SNAP23: variants seen among roughly 807,000 people sequenced by gnomAD.
SNAP23 encodes the protein synaptosome associated protein 23.
In SNAP23, 11 loss-of-function variants were observed where a neutral mutation model predicts 29.0. The ratio of observed to expected loss-of-function variants is 0.38; its 90% CI spans 0.24 to 0.63. SNAP23 has a LOEUF of 0.63. SNAP23 is among the 20% of genes least tolerant of loss of function. SNAP23 has a pLI of 0.58. For missense variants in SNAP23, 220 were observed against 253.9 expected (o/e 0.87, Z 0.91); for synonymous variants, 60 against 82.9 (o/e 0.72, Z 1.50).
At chr15:42,491,382 CTG>C (rs1194952240), upstream of SNAP23, 1 of 152,426 alleles carries the variant, frequency 6.6e-6, no homozygotes, top group African/African-American at 2.4e-5. Flanking sequence ...CCCGGCCTCC[CTG>C]TAGCTCCTAC....
upstream of SNAP23, among the ~76,000 whole-genome samples, chr15:42,492,380 CAAAT>C (rs2057175414): frequency 1.3e-5 from 2 of 151,900 alleles, no homozygotes; most frequent in East Asian, 1.9e-4. Context: ...TTCAACGTCT[CAAAT>C]AAAAGTAAGC....
In SNAP23 at chr15:42,531,595, G is replaced by A; in HGVS notation, c.*117G>A. 1 of 716,126 alleles carries A rather than the reference G, an allele frequency of 1.4e-6. No individual in the cohort carries two copies. The highest frequency in any genetic ancestry group is 2.3e-6 in the Non-Finnish European group (1 of 437,878). 44.4% of individuals were successfully genotyped at this position (716,126 alleles called of 1,614,324 possible). A position where few individuals can be genotyped will look rare whatever the true frequency, so the allele number is the denominator to read the frequency against. On this transcript the variant is annotated 3_prime_UTR_variant, in exon 8 of 8. Coordinates refer to ENST00000249647, the MANE Select transcript of SNAP23 (RefSeq NM_003825.4). ...GCTCTTCTAATTGGGAGATAATATG[G>A]AAGAAGGGCCAGAGCAGTTACAGCC...
chr15:42,524,255 C>T (rs1328801996), intron 5 of SNAP23, among the ~76,000 whole-genome samples: 1 of 152,092 alleles, frequency 6.6e-6, no homozygotes, highest in Non-Finnish European at 1.5e-5. Flanking sequence ...CGCTAAATGT[C>T]CCACTGACCT....
chr15:42,506,166 T>C (rs1377776773), intron 1 of SNAP23, among the ~76,000 whole-genome samples: 1 of 151,662 alleles, frequency 6.6e-6, no homozygotes, highest in African/African-American at 2.4e-5. Context: ...TGGCTGGTCT[T>C]GAACTCCTGA....
rs767647710 is a variant in SNAP23, at chr15:42,531,401, C to T, written c.571-12C>T. ...CTTACCTTGTAAAGCTGATATCTTTCTTGTTTTTCAGGCTGACACCAACAG... is the reference window on the plus strand; with the variant it reads ...CTTACCTTGTAAAGCTGATATCTTTTTTGTTTTTCAGGCTGACACCAACAG... On this transcript the variant is annotated splice_polypyrimidine_tract_variant and intron_variant, in intron 7 of 7. Coordinates refer to ENST00000249647, the MANE Select transcript of SNAP23 (RefSeq NM_003825.4). The T allele has an allele frequency of 6.5e-7, 1 of 1,528,128 alleles. No homozygotes were observed. The highest frequency in any genetic ancestry group is 2.4e-5 in the East Asian group (1 of 41,238). 94.7% of individuals were successfully genotyped at this position (1,528,128 alleles called of 1,614,324 possible).
upstream of SNAP23, among the ~76,000 whole-genome samples, chr15:42,494,575 G>A (rs568217361): frequency 6.6e-6 from 1 of 150,974 alleles, no homozygotes; most frequent in South Asian, 2.1e-4. Context: ...GAGTGCAATG[G>A]CATGATCTTG....
At chr15:42,492,701 AG>A, upstream of SNAP23, 4 of 140,834 alleles carry the variant, frequency 2.8e-5, no homozygotes, top group South Asian at 2.3e-4. Context: ...AAAAAAAAAG[AG>A]AGAGAAAAAA....
At chr15:42,497,905 A>C (rs552024345) in intron 1 of SNAP23, among the ~76,000 whole-genome samples, 46 of 152,336 alleles carry the variant, frequency 3.0e-4, no homozygotes, top group African/African-American at 1.1e-3. Context: ...CAAAGGGGCT[A>C]CCGGCCCTAT....
At chr15:42,503,570 G>A (rs141695964) in intron 1 of SNAP23, among the ~76,000 whole-genome samples, 6,205 of 151,966 alleles carry the variant, frequency 0.041, 247 homozygotes, top group Non-Finnish European at 0.054. Flanking sequence ...GGGTTTTGCC[G>A]TGTTGGCCAG....
chr15:42,503,288 G>A (rs112874039), intron 1 of SNAP23, among the ~76,000 whole-genome samples: 14,676 of 151,798 alleles, frequency 0.097, 813 homozygotes, highest in South Asian at 0.17. Context: ...TGCAACCTCC[G>A]CCTCCCGGGT....
chr15:42,504,039 G>T (rs536106016), intron 1 of SNAP23, among the ~76,000 whole-genome samples: 47 of 152,078 alleles, frequency 3.1e-4, no homozygotes, highest in Admixed American at 2.8e-3. Context: ...TTAACATAAA[G>T]GAGACCCTTG....
At chr15:42,524,639 T>C (rs1345914990) in intron 5 of SNAP23, among the ~76,000 whole-genome samples, 5 of 151,998 alleles carry the variant, frequency 3.3e-5, no homozygotes, top group African/African-American at 1.2e-4. Context: ...CGTGGAAAAA[T>C]AGTCTTCCAT....
intron 5 of SNAP23, among the ~76,000 whole-genome samples, chr15:42,519,863 A>G (rs564018290): frequency 3.3e-5 from 5 of 152,136 alleles, no homozygotes; most frequent in Non-Finnish European, 4.4e-5. Context: ...CTTGCCCCCA[A>G]TGGATTGGGG....
intron 1 of SNAP23, among the ~76,000 whole-genome samples, chr15:42,502,083 A>G (rs868721478): frequency 2.8e-5 from 4 of 141,418 alleles, no homozygotes; most frequent in Non-Finnish European, 6.0e-5. Context: ...GCTGGAGTGC[A>G]GTGGCGCGAT....
chr15:42,495,975 TC>T (rs1378245035), intron 1 of SNAP23: 1 of 152,226 alleles, frequency 6.6e-6, no homozygotes, highest in African/African-American at 2.4e-5. Context: ...GAGATCACTT[TC>T]CGCCCCTCAC....
upstream of SNAP23, among the ~76,000 whole-genome samples, chr15:42,494,888 C>T (rs1025830183): frequency 3.3e-5 from 5 of 152,186 alleles, no homozygotes; most frequent in African/African-American, 1.2e-4. Flanking sequence ...GTTCCTGCAG[C>T]AAATAGTTTA....
At chr15:42,506,519 T>C (rs1595518319) in intron 1 of SNAP23, among the ~76,000 whole-genome samples, 2 of 152,232 alleles carry the variant, frequency 1.3e-5, no homozygotes, top group African/African-American at 4.8e-5. Flanking sequence ...GTTACAGGCA[T>C]GAGCCGCTGT....
Position 42,502,730 on chromosome 15 carries a change from G to A in SNAP23, c.-15+7017G>A, listed in dbSNP as rs146916921. Among the ~76,000 whole-genome samples the A allele has an allele frequency of 2.5e-3, 381 of 152,166 alleles. 4 individuals carry two copies. The highest frequency in any genetic ancestry group is 3.5e-3 in the Non-Finnish European group (237 of 68,006). The stretch of plus-strand genomic sequence containing the variant: ...TGCCAGCTTCTGGCTCTTGAGCCCC[G>A]TTCTTATCTTTCACATAGAACGTCC... On this transcript the variant is annotated intron_variant, in intron 1 of 7. Coordinates refer to ENST00000249647, the MANE Select transcript of SNAP23 (RefSeq NM_003825.4).
intron 5 of SNAP23, among the ~76,000 whole-genome samples, chr15:42,523,043 A>T (rs1215981651): frequency 6.6e-6 from 1 of 151,794 alleles, no homozygotes; most frequent in East Asian, 1.9e-4. Context: ...AATAGGTTTC[A>T]CCATGTTGGT....
Sources: allele counts gnomAD v4.1 joint callset (sites outside exome capture counted in the v4.1 genomes callset), GRCh38; gene constraint gnomAD v4.1.1; transcripts MANE v1.5; gene names NCBI Gene and HGNC (gene_info 2026-07-23, HGNC 2026-07-21).